ATRNL1: variants seen among roughly 807,000 people sequenced by gnomAD.
ATRNL1 encodes attractin-like protein 1.
A neutral mutation model predicts 182.7 loss-of-function variants in ATRNL1; 95 were observed. That is an observed-to-expected ratio of 0.52 (90% CI 0.44 to 0.62). The LOEUF is 0.62. Among genes scored for constraint, ATRNL1 ranks in the 20% least tolerant of loss-of-function variants. The probability of loss-of-function intolerance (pLI) is 0.00; values close to 1 mark genes in which losing one functional copy is unlikely to be tolerated. For synonymous variants in ATRNL1, 576 were observed against 568.3 expected (o/e 1.01, Z -0.19); for missense variants, 1,471 against 1,679.5 (o/e 0.88, Z 2.17).
intron 27 of ATRNL1, among the ~76,000 whole-genome samples, chr10:115,812,659 G>A (rs1555087358): frequency 6.6e-6 from 1 of 151,928 alleles, no homozygotes; most frequent in East Asian, 1.9e-4. Flanking sequence ...TGCATTTTTA[G>A]TAGAAACGGG....
At chr10:115,705,347 A>G (rs1183701938) in intron 26 of ATRNL1, among the ~76,000 whole-genome samples, 2 of 151,906 alleles carry the variant, frequency 1.3e-5, no homozygotes, top group Non-Finnish European at 2.9e-5. Flanking sequence ...ACTTCCCAGA[A>G]AATAAGATTG....
intron 18 of ATRNL1, among the ~76,000 whole-genome samples, chr10:115,328,080 G>A (rs1468072288): frequency 6.6e-6 from 1 of 151,076 alleles, no homozygotes; most frequent in Admixed American, 6.6e-5. Flanking sequence ...AAAACTTAAA[G>A]TATAATAATA....
At chr10:115,768,655 A>G (rs1948916991) in intron 27 of ATRNL1, among the ~76,000 whole-genome samples, 1 of 152,138 alleles carries the variant, frequency 6.6e-6, no homozygotes, top group South Asian at 2.1e-4. Context: ...TCTTCACTTT[A>G]CCTGACATTG....
chr10:115,318,414 G>C (rs1407018807), intron 18 of ATRNL1, among the ~76,000 whole-genome samples: 2 of 152,144 alleles, frequency 1.3e-5, no homozygotes, highest in Non-Finnish European at 2.9e-5. Flanking sequence ...AAATTAGTTA[G>C]AGAGGAGTCT....
intron 1 of ATRNL1, among the ~76,000 whole-genome samples, chr10:115,112,415 C>T (rs1321041218): frequency 6.6e-6 from 1 of 152,168 alleles, no homozygotes; most frequent in Non-Finnish European, 1.5e-5. Context: ...TATGAAAAAA[C>T]TGCGTGGATT....
intron 27 of ATRNL1, among the ~76,000 whole-genome samples, chr10:115,760,378 A>C (rs530969200): frequency 3.3e-5 from 5 of 152,244 alleles, no homozygotes; most frequent in African/African-American, 1.2e-4. Context: ...AATGAAAAAT[A>C]TATTTTTACG....
intron 26 of ATRNL1, among the ~76,000 whole-genome samples, chr10:115,711,000 GT>G (rs1947046773): frequency 6.6e-6 from 1 of 152,064 alleles, no homozygotes; most frequent in African/African-American, 2.4e-5. Context: ...TTCTTTTGAA[GT>G]TGACAGAAAA....
intron 28 of ATRNL1, among the ~76,000 whole-genome samples, chr10:115,860,404 A>C (rs1555103224): frequency 2.6e-5 from 4 of 151,222 alleles, no homozygotes. Context: ...AGTGTTCTGC[A>C]AGGCAATTAA....
chr10:115,408,890 T>A (rs535637096), intron 20 of ATRNL1, among the ~76,000 whole-genome samples: 1 of 152,174 alleles, frequency 6.6e-6, no homozygotes. Flanking sequence ...GCTGTAGATA[T>A]GTAATTTCTG....
intron 26 of ATRNL1, among the ~76,000 whole-genome samples, chr10:115,598,402 C>T (rs1422159709): frequency 7.4e-6 from 1 of 135,584 alleles, no homozygotes. Flanking sequence ...CTCGTTCTGT[C>T]GCCCTGGCTG....
At chr10:115,436,378 TA>T (rs1255520866) in intron 21 of ATRNL1, among the ~76,000 whole-genome samples, 1 of 152,090 alleles carries the variant, frequency 6.6e-6, no homozygotes, top group African/African-American at 2.4e-5. Context: ...CTTATGTATT[TA>T]AAAAATTTAT....
chr10:115,604,205 T>C (rs1208719062), intron 26 of ATRNL1, among the ~76,000 whole-genome samples: 1 of 152,204 alleles, frequency 6.6e-6, no homozygotes, highest in Non-Finnish European at 1.5e-5. Context: ...ATGAATTTGG[T>C]TGTATTTTTA....
At chr10:115,499,955 G>C (rs1554979593) in intron 24 of ATRNL1, among the ~76,000 whole-genome samples, 1 of 152,108 alleles carries the variant, frequency 6.6e-6, no homozygotes. Context: ...CTCAGGTTTT[G>C]TCTGATCTTT....
At chr10:115,432,782 A>G (rs1846230596) in intron 21 of ATRNL1, among the ~76,000 whole-genome samples, 1 of 152,144 alleles carries the variant, frequency 6.6e-6, no homozygotes, top group Admixed American at 6.5e-5. Flanking sequence ...GTAAATACAA[A>G]AAGTAGTAGT....
chr10:115,170,050 A>G (rs1279766644), intron 7 of ATRNL1, among the ~76,000 whole-genome samples: 1 of 152,168 alleles, frequency 6.6e-6, no homozygotes, highest in Non-Finnish European at 1.5e-5. Context: ...AAAAATTTTT[A>G]GGACTTTCTA....
Position 115,482,375 on chromosome 10 carries a change from G to A in ATRNL1, c.3654+13046G>A, listed in dbSNP as rs76259951. On this transcript the variant is annotated intron_variant, in intron 24 of 28. Transcript: ENST00000355044. ...CTCTACAAGAGTTGCTTATTCAAAT[G>A]GCAAAGTAAACACTTATGTAAGATA... Among the ~76,000 whole-genome samples the A allele has an allele frequency of 9.1e-3, 1,377 of 150,858 alleles. 16 individuals carry two copies. The highest frequency in any genetic ancestry group is 0.03 in the African/African-American group (1,262 of 41,396).
At chr10:115,123,118 G>A (rs1433141361) in intron 3 of ATRNL1, among the ~76,000 whole-genome samples, 1 of 152,128 alleles carries the variant, frequency 6.6e-6, no homozygotes, top group Non-Finnish European at 1.5e-5. Flanking sequence ...ATAATTAGCA[G>A]GTGAGATTTA....
intron 8 of ATRNL1, among the ~76,000 whole-genome samples, chr10:115,195,268 T>C (rs539457995): frequency 1.6e-3 from 244 of 152,260 alleles, no homozygotes; most frequent in Non-Finnish European, 1.8e-3. Context: ...GAACTCCTTT[T>C]AACATTTCTT....
chr10:115,299,066 T>C (rs1375406450), intron 15 of ATRNL1, among the ~76,000 whole-genome samples: 1 of 151,864 alleles, frequency 6.6e-6, no homozygotes, highest in Non-Finnish European at 1.5e-5. Context: ...TTTTTCTCTA[T>C]CCTGGTACTC....
Sources: gnomAD v4.1 joint callset for allele counts (sites outside exome capture counted in the v4.1 genomes callset) on GRCh38, gnomAD v4.1.1 for gene constraint, MANE v1.5 for transcripts, NCBI Gene and HGNC (gene_info 2026-07-23, HGNC 2026-07-21) for gene names.